MEF2C: variants seen among roughly 807,000 people sequenced by gnomAD.
The protein encoded by MEF2C is myocyte enhancer factor 2C.
In MEF2C, 6 loss-of-function variants were observed where a neutral mutation model predicts 50.5. That is an observed-to-expected ratio of 0.12 (90% confidence interval 0.07 to 0.23). The LOEUF is 0.23. MEF2C is among the 10% of genes least tolerant of loss of function. The pLI is 1.00. For synonymous variants in MEF2C, 183 were observed against 228.0 expected (o/e 0.80, Z 1.78); for missense variants, 276 against 605.0 (o/e 0.46, Z 5.70).
At chr5:88,897,087 AC>A (rs1332779778) in intron 1 of MEF2C, among the ~76,000 whole-genome samples, 25 of 152,210 alleles carry the variant, frequency 1.6e-4, no homozygotes, top group African/African-American at 6.0e-4. Flanking sequence ...AAATACCTTC[AC>A]TAAAGGAGCT....
intron 3 of MEF2C, among the ~76,000 whole-genome samples, chr5:88,762,179 T>A (rs535768207): frequency 2.0e-5 from 3 of 152,208 alleles, no homozygotes; most frequent in Non-Finnish European, 4.4e-5. Flanking sequence ...ACCTCCTGTC[T>A]CCTGGATGTG....
chr5:88,732,728 G>A (rs1762238674), intron 6 of MEF2C, among the ~76,000 whole-genome samples: 1 of 152,184 alleles, frequency 6.6e-6, no homozygotes. Flanking sequence ...GAGCTAGGGA[G>A]GAGTTGATTA....
At chr5:88,729,384 T>C (rs1211770624) in intron 8 of MEF2C, 37 bp from the exon 9 acceptor site, 1 of 1,524,564 alleles carries the variant, frequency 6.6e-7, no homozygotes, top group South Asian at 1.2e-5. Context: ...CTGATGAATT[T>C]TTTTAAAAGT....
intron 1 of MEF2C, among the ~76,000 whole-genome samples, chr5:88,853,666 G>GA (rs1822208404): frequency 6.6e-6 from 1 of 152,054 alleles, no homozygotes; most frequent in African/African-American, 2.4e-5. Context: ...AACAGCAATG[G>GA]AAAATATAAA....
intron 1 of MEF2C, among the ~76,000 whole-genome samples, chr5:88,894,140 T>G (rs547666710): frequency 1.5e-3 from 231 of 152,306 alleles, no homozygotes; most frequent in Middle Eastern, 3.4e-3. Flanking sequence ...AACTTTTGTT[T>G]CCTTTTATTC....
At chr5:88,803,305 A>G (rs1799106935) in intron 3 of MEF2C, among the ~76,000 whole-genome samples, 1 of 152,212 alleles carries the variant, frequency 6.6e-6, no homozygotes, top group Non-Finnish European at 1.5e-5. Flanking sequence ...GGCCTCGTTA[A>G]GGCAAAAATA....
At chr5:88,732,526 A>T (rs1162349645) in intron 6 of MEF2C, 1 of 152,220 alleles carries the variant, frequency 6.6e-6, no homozygotes, top group Non-Finnish European at 1.5e-5. Flanking sequence ...TTCAGAAAGC[A>T]AGACTCCTTC....
chr5:88,747,353 T>TATA lies in MEF2C; in HGVS notation c.637+1716_637+1717insTAT, dbSNP rs1770330465. Among the ~76,000 whole-genome samples the TATA allele has an allele frequency of 1.6e-3, 29 of 17,894 alleles. 1 individual carries two copies. Among genetic ancestry groups the TATA allele is most frequent in the Non-Finnish European group, 2.1e-3 (9 of 4,306 alleles). The allele number at this position is 17,894 out of a possible 152,430, so 11.7% of individuals were successfully genotyped here. A position where few individuals can be genotyped will look rare whatever the true frequency, so the allele number is the denominator to read the frequency against. ...TACTACTTTTTTTTTTTTTTTTTTT[T>TATA]TTTTTTTTTTTTTGAGACGGAGTCT... is the stretch of plus-strand genomic sequence containing the variant. On this transcript the variant is annotated intron_variant, in intron 6 of 10. Transcript: ENST00000504921.
intron 1 of MEF2C, among the ~76,000 whole-genome samples, chr5:88,837,114 G>A (rs893062895): frequency 6.6e-6 from 1 of 150,926 alleles, no homozygotes; most frequent in African/African-American, 2.4e-5. Context: ...GTCATAATCT[G>A]GACTATTTCC....
At chr5:88,871,651 A>T (rs1193232039) in intron 1 of MEF2C, among the ~76,000 whole-genome samples, 1 of 152,100 alleles carries the variant, frequency 6.6e-6, no homozygotes, top group Non-Finnish European at 1.5e-5. Flanking sequence ...TTTTTGAGAA[A>T]CCATGTGAAC....
intron 1 of MEF2C, chr5:88,839,300 A>G (rs757629213): frequency 3.3e-5 from 5 of 151,386 alleles, no homozygotes; most frequent in Non-Finnish European, 7.4e-5. Flanking sequence ...CAAAAACTCC[A>G]TAAGGCAACA....
intron 3 of MEF2C, chr5:88,770,005 A>C (rs186355804): frequency 1.5e-4 from 148 of 985,256 alleles, no homozygotes; most frequent in Non-Finnish European, 1.7e-4. Flanking sequence ...CAAAGAATCA[A>C]GTTGTAGGTT....
chr5:88,822,187 A>G (rs1808721269), intron 2 of MEF2C, among the ~76,000 whole-genome samples: 1 of 152,040 alleles, frequency 6.6e-6, no homozygotes, highest in Non-Finnish European at 1.5e-5. Context: ...TGAATATCAT[A>G]AACCTAAAAA....
chr5:88,864,507 G>T (rs1256517271), intron 1 of MEF2C, among the ~76,000 whole-genome samples: 1 of 151,002 alleles, frequency 6.6e-6, no homozygotes, highest in African/African-American at 2.4e-5. Flanking sequence ...TTGTATATTT[G>T]TAATATGTGT....
chr5:88,738,655 C>A (rs573493369), intron 6 of MEF2C: 2 of 985,258 alleles, frequency 2.0e-6, no homozygotes, highest in Non-Finnish European at 1.2e-6. Flanking sequence ...CTTTCTATGT[C>A]GAGTCTCATT....
intron 3 of MEF2C, chr5:88,780,671 T>C (rs546326691): frequency 2.6e-6 from 2 of 769,396 alleles, no homozygotes; most frequent in Admixed American, 6.2e-5. Context: ...GCACAACATA[T>C]ATATTTCACT....
intron 3 of MEF2C, among the ~76,000 whole-genome samples, chr5:88,767,603 C>A (rs756996591): frequency 6.6e-6 from 1 of 151,988 alleles, no homozygotes; most frequent in Non-Finnish European, 1.5e-5. Context: ...TTTATTAATG[C>A]TCATTCTAGC....
rs555338741 is a variant in MEF2C at position 88,843,887 on chromosome 5, G to A, written c.-142-19957C>T. On this transcript the variant is annotated intron_variant, in intron 1 of 10. Coordinates refer to ENST00000504921, the MANE Select transcript of MEF2C (RefSeq NM_002397.5). Reference sequence around the variant, plus strand: ...TGCAGTGGTGCAATCTCGGCTCACCGCAACCTCTGCCTCCTGGGTTCAAGC... The same window carrying A: ...TGCAGTGGTGCAATCTCGGCTCACCACAACCTCTGCCTCCTGGGTTCAAGC... 2.0e-4 allele frequency among the ~76,000 whole-genome samples: 29 copies of A among 147,878 alleles called. No individual in the cohort carries two copies. In the South Asian group the frequency reaches 3.9e-3, roughly 20 times the overall value.
At chr5:88,890,634 A>G (rs1361608920) in intron 1 of MEF2C, among the ~76,000 whole-genome samples, 9 of 152,196 alleles carry the variant, frequency 5.9e-5, no homozygotes, top group Non-Finnish European at 1.0e-4. Flanking sequence ...GAATACTGCT[A>G]TAGAGTTCAA....
Sources: gnomAD v4.1 joint callset for allele counts (sites outside exome capture counted in the v4.1 genomes callset) on GRCh38, gnomAD v4.1.1 for gene constraint, MANE v1.5 for transcripts, NCBI Gene and HGNC (gene_info 2026-07-23, HGNC 2026-07-21) for gene names.